Variants in KIF26B observed in about 807,000 individuals in gnomAD.
KIF26B encodes the protein kinesin-like protein KIF26B.
A neutral mutation model predicts 151.2 loss-of-function variants in KIF26B; 63 were observed. The ratio of observed to expected loss-of-function variants is 0.42; its 90% confidence interval spans 0.34 to 0.51. The LOEUF (loss-of-function observed/expected upper bound fraction) is 0.51. Ranked by LOEUF, KIF26B falls within the 20% of genes least tolerant of loss-of-function variation. The pLI, the probability that KIF26B is intolerant of heterozygous loss-of-function variation, is 0.07. For missense variants in KIF26B, 2,813 were observed against 2,913.6 expected (o/e 0.97, Z 0.79); for synonymous variants, 1,357 against 1,262.1 (o/e 1.08, Z -1.59).
chr1:245,532,216 C>CTTTTTTCTTT (rs1661379477), intron 4 of KIF26B, among the ~76,000 whole-genome samples: 2 of 144,740 alleles, frequency 1.4e-5, no homozygotes, highest in African/African-American at 5.4e-5. Context: ...TAGGAAAATT[C>CTTTTTTCTTT]TTTTTTCTTT....
intron 10 of KIF26B, among the ~76,000 whole-genome samples, chr1:245,654,739 A>C (rs1209378923): frequency 1.3e-5 from 2 of 152,206 alleles, no homozygotes; most frequent in African/African-American, 2.4e-5. Flanking sequence ...GGCACAGCCC[A>C]CTTGATAAGA....
chr1:245,594,824 T>C (rs555095268), intron 5 of KIF26B, among the ~76,000 whole-genome samples: 29 of 152,376 alleles, frequency 1.9e-4, no homozygotes, highest in African/African-American at 6.0e-4. Context: ...TCCATTTGTT[T>C]GTGTCCTCTC....
intron 2 of KIF26B, among the ~76,000 whole-genome samples, chr1:245,341,114 T>C (rs1672324203): frequency 6.6e-6 from 1 of 152,140 alleles, no homozygotes; most frequent in Non-Finnish European, 1.5e-5. Flanking sequence ...GAGTCTATAC[T>C]GAAGCCAGAT....
chr1:245,540,788 G>A lies in KIF26B; in HGVS notation c.1188G>A (p.Leu396=). The A allele has an allele frequency of 1.2e-6, 2 of 1,613,888 alleles. No individual in the cohort carries two copies. The highest frequency in any genetic ancestry group is 2.2e-5 in the South Asian group (2 of 91,078). The change falls in exon 5 of 15, where the codon CTG becomes CTA. Residue 396 remains leucine (L), a synonymous_variant. Coordinates refer to ENST00000407071, the MANE Select transcript of KIF26B (RefSeq NM_018012.4). This position sits in a 1 kb window ranked among gnomAD's most constrained non-coding sequence, Gnocchi z 4.6. The stretch of plus-strand genomic sequence containing the variant: ...CCAGAGCTGCCCAGAAGTTAAATCT[G>A]TCTTCTAAAAAGAAGAAACATCGGC... The part of the protein sequence containing the change: ...FFARAAQKLN[L]SSKKKKHRPS...
At chr1:245,397,303 C>T (rs1238716382) in intron 3 of KIF26B, among the ~76,000 whole-genome samples, 1 of 151,974 alleles carries the variant, frequency 6.6e-6, no homozygotes, top group Non-Finnish European at 1.5e-5. Context: ...GCATCCTCCA[C>T]TTCCTGGGTT....
At chr1:245,490,740 A>G (rs1660392363) in intron 4 of KIF26B, among the ~76,000 whole-genome samples, 1 of 152,136 alleles carries the variant, frequency 6.6e-6, no homozygotes, top group Admixed American at 6.5e-5. Context: ...CATTCATTCT[A>G]CCTTGGATTT....
chr1:245,701,781 G>A (rs1252374194), intron 14 of KIF26B, among the ~76,000 whole-genome samples: 1 of 152,188 alleles, frequency 6.6e-6, no homozygotes, highest in Non-Finnish European at 1.5e-5. Flanking sequence ...TGGGGTTCCA[G>A]GGCCATCCCA....
At chr1:245,338,502 G>A (rs1672276549) in intron 2 of KIF26B, among the ~76,000 whole-genome samples, 1 of 152,232 alleles carries the variant, frequency 6.6e-6, no homozygotes, top group Non-Finnish European at 1.5e-5. Flanking sequence ...CCTCTTGAAT[G>A]TTGGTTTGTG....
intron 2 of KIF26B, among the ~76,000 whole-genome samples, chr1:245,314,451 C>T (rs1278388616): frequency 1.1e-4 from 17 of 151,694 alleles, no homozygotes; most frequent in Admixed American, 7.9e-4. Context: ...GACTCTGTCT[C>T]GAAAAAAAGA....
intron 4 of KIF26B, among the ~76,000 whole-genome samples, chr1:245,486,882 G>A (rs1215088820): frequency 1.3e-5 from 2 of 152,150 alleles, no homozygotes; most frequent in African/African-American, 4.8e-5. Context: ...TGTTGCCCAG[G>A]CTGTGGTTCA....
At chr1:245,541,827 C>A (rs1028120849) in intron 5 of KIF26B, among the ~76,000 whole-genome samples, 1 of 152,116 alleles carries the variant, frequency 6.6e-6, no homozygotes, top group African/African-American at 2.4e-5. Flanking sequence ...TTGTTCAGTT[C>A]GCAGACTGCC....
intron 5 of KIF26B, among the ~76,000 whole-genome samples, chr1:245,593,324 T>C (rs151264474): frequency 0.017 from 2,524 of 151,840 alleles, 49 homozygotes; most frequent in South Asian, 0.023. Context: ...CTCCCCTAGC[T>C]CCCCAGCCCC....
At chr1:245,598,589 C>T (rs1037433628) in intron 5 of KIF26B, among the ~76,000 whole-genome samples, 2 of 152,038 alleles carry the variant, frequency 1.3e-5, no homozygotes, top group African/African-American at 4.8e-5. Context: ...CCTCCTCAGC[C>T]TCCAGTCAGG....
chr1:245,550,136 C>A (rs1057138584), intron 5 of KIF26B, among the ~76,000 whole-genome samples: 3 of 152,134 alleles, frequency 2.0e-5, no homozygotes, highest in Non-Finnish European at 4.4e-5. Context: ...TTTTCCAGTT[C>A]CCTCAGTCTG....
intron 2 of KIF26B, among the ~76,000 whole-genome samples, chr1:245,242,618 T>C (rs917503296): frequency 5.9e-5 from 9 of 151,636 alleles, no homozygotes; most frequent in Non-Finnish European, 8.8e-5. Flanking sequence ...AGCAGCTGCA[T>C]GGTGTTCCAT....
In KIF26B at chr1:245,686,378, G is replaced by T. The variant is rs905979025; in HGVS notation, c.3395G>T (p.Ser1132Ile). Residue 1132 changes from serine (S) to isoleucine (I), a missense_variant, in exon 12 of 15, where the codon AGC (serine) becomes ATC (isoleucine). This residue lies in a region of KIF26B where 2,060 missense variants were observed against 2,088.6 expected (regional missense o/e 0.99). Transcript: ENST00000407071. This position sits in a 1 kb window ranked among gnomAD's most constrained non-coding sequence, Gnocchi z 5.6. ...PEVRTPPVGM[S>I]PQVLKKSMSA... ...GTGCGTACGCCCCCGGTTGGAATGA[G>T]CCCCCAGGTTTTGAAAAAATCCATG... 5 of 1,613,420 alleles carry T rather than the reference G, an allele frequency of 3.1e-6. No individual in the cohort carries two copies. The highest frequency in any genetic ancestry group is 4.2e-6 in the Non-Finnish European group (5 of 1,179,882).
chr1:245,201,910 C>A (rs1669306368), intron 2 of KIF26B, among the ~76,000 whole-genome samples: 1 of 152,180 alleles, frequency 6.6e-6, no homozygotes, highest in South Asian at 2.1e-4. Context: ...AGGGAGAAGT[C>A]TTTTATTTCC....
rs186849270 is a variant in KIF26B, at chr1:245,309,730, G to A, written c.466-57104G>A. 1.8e-3 allele frequency among the ~76,000 whole-genome samples: 260 copies of A among 147,138 alleles called. 2 individuals carry two copies. Among genetic ancestry groups the A allele is most frequent in the African/African-American group, 6.2e-3 (250 of 40,556 alleles). On this transcript the variant is annotated intron_variant, in intron 2 of 14. Coordinates refer to ENST00000407071, the MANE Select transcript of KIF26B (RefSeq NM_018012.4). ...TATATTAGGTATATTTTATATATAT[G>A]TATATCCTATTAGTCCTGTTTCTCC...
chr1:245,374,762 T>C (rs482106), intron 3 of KIF26B, among the ~76,000 whole-genome samples: 104,433 of 152,122 alleles, frequency 0.69, 36,607 homozygotes, highest in African/African-American at 0.84. Flanking sequence ...ATTATGAACA[T>C]GGAAAAAAGA....
Sources: gnomAD v4.1 joint callset for allele counts (sites outside exome capture counted in the v4.1 genomes callset) on GRCh38, gnomAD v4.1.1 for gene constraint, gnomAD v4.1.1 regional missense constraint, Gnocchi (gnomAD v3.1) non-coding constraint, MANE v1.5 for transcripts, NCBI Gene and HGNC (gene_info 2026-07-23, HGNC 2026-07-21) for gene names.